The following THSD7B variants were observed in gnomAD, a reference collection of about 807,000 sequenced individuals.
THSD7B encodes the protein thrombospondin type 1 domain containing 7B.
THSD7B carries 138 observed loss-of-function variants against 213.6 expected under a neutral mutation model. The observed-to-expected ratio is 0.65, with a 90% CI of 0.56 to 0.74. The LOEUF (loss-of-function observed/expected upper bound fraction) is 0.74, where lower values mean the gene tolerates loss of function less well. Among genes scored for constraint, THSD7B ranks in the 30% least tolerant of loss-of-function variants. The pLI is 0.00. For synonymous variants in THSD7B, 742 were observed against 687.0 expected, an observed-to-expected ratio of 1.08 and a Z score of -1.25; for missense variants, 1,931 against 1,991.5, an observed-to-expected ratio of 0.97 and a Z score of 0.58.
chr2:137,304,323 C>T (rs1665923575), intron 12 of THSD7B, among the ~76,000 whole-genome samples: 1 of 152,154 alleles, frequency 6.6e-6, no homozygotes, highest in Admixed American at 6.5e-5. Context: ...ATCTATCAAG[C>T]AATGACTGTG....
At chr2:136,987,045 G>T (rs573461691) in intron 2 of THSD7B, among the ~76,000 whole-genome samples, 2 of 152,140 alleles carry the variant, frequency 1.3e-5, no homozygotes, top group South Asian at 4.1e-4. Context: ...AACATGCATG[G>T]TGTTATTTCA....
Position 136,956,259 on chromosome 2 carries a change from G to A in THSD7B, c.139+73942G>A, listed in dbSNP as rs1332041610. 2.0e-5 allele frequency among the ~76,000 whole-genome samples: 3 copies of A among 152,048 alleles called. No homozygotes were observed. In the East Asian group the frequency reaches 5.8e-4, roughly 29 times the overall value. ...ATGACTGATTTTTAACTATGTGTCA[G>A]CAAAATAAATTATTTAGCAGCCTAC... is the stretch of plus-strand genomic sequence containing the variant. On this transcript the variant is annotated intron_variant, in intron 2 of 27. Coordinates refer to ENST00000409968, the MANE Select transcript of THSD7B (RefSeq NM_001316349.2).
intron 2 of THSD7B, among the ~76,000 whole-genome samples, chr2:136,959,618 G>A (rs1316114853): frequency 6.6e-6 from 1 of 152,110 alleles, no homozygotes; most frequent in African/African-American, 2.4e-5. Context: ...TAGAAGGTTG[G>A]CTGAACTTCA....
At chr2:136,799,740 A>G (rs946754711) in intron 1 of THSD7B, among the ~76,000 whole-genome samples, 1 of 151,996 alleles carries the variant, frequency 6.6e-6, no homozygotes, top group African/African-American at 2.4e-5. Context: ...TAGAACTTTC[A>G]GAGATTTGAA....
intron 21 of THSD7B, among the ~76,000 whole-genome samples, chr2:137,642,937 A>G (rs565246816): frequency 6.6e-6 from 1 of 152,326 alleles, no homozygotes; most frequent in Non-Finnish European, 1.5e-5. Flanking sequence ...GGAATATCAA[A>G]GGATTATTTA....
intron 2 of THSD7B, among the ~76,000 whole-genome samples, chr2:137,029,203 C>G (rs539608951): frequency 1.3e-5 from 2 of 151,648 alleles, no homozygotes; most frequent in Admixed American, 6.6e-5. Flanking sequence ...CTCAGCCTCC[C>G]GAGTAGCTGG....
At chr2:137,463,865 C>T (rs1481847088) in intron 15 of THSD7B, among the ~76,000 whole-genome samples, 1 of 151,998 alleles carries the variant, frequency 6.6e-6, no homozygotes, top group East Asian at 1.9e-4. Context: ...CACTTTATGT[C>T]AAAAAGTTAT....
At chr2:136,950,396 A>G (rs1313871629) in intron 2 of THSD7B, among the ~76,000 whole-genome samples, 1 of 152,220 alleles carries the variant, frequency 6.6e-6, no homozygotes, top group Non-Finnish European at 1.5e-5. Flanking sequence ...GCAAACCTGC[A>G]CGTTCTGCAC....
chr2:136,864,217 C>G (rs1331120879), intron 1 of THSD7B, among the ~76,000 whole-genome samples: 1 of 152,162 alleles, frequency 6.6e-6, no homozygotes, highest in Non-Finnish European at 1.5e-5. Flanking sequence ...GCAGCAGATA[C>G]TTATTAAGTG....
chr2:136,799,674 A>AT (rs148895273), intron 1 of THSD7B, among the ~76,000 whole-genome samples: 8,307 of 151,376 alleles, frequency 0.055, 272 homozygotes, highest in South Asian at 0.12. Flanking sequence ...TATTTTACAC[A>AT]TTTTTTTTTA....
In THSD7B at chr2:136,871,060, C is replaced by T. The variant is rs146983259; in HGVS notation, c.-35-11084C>T. 6.4e-4 allele frequency among the ~76,000 whole-genome samples: 98 copies of T among 152,054 alleles called. 1 individual carries two copies. Among genetic ancestry groups the T allele is most frequent in the South Asian group, 3.7e-3 (18 of 4,814 alleles). On this transcript the variant is annotated intron_variant, in intron 1 of 27. Coordinates refer to ENST00000409968, the MANE Select transcript of THSD7B (RefSeq NM_001316349.2). Reference sequence around the variant, plus strand: ...TAGATTTGCAGATGGATTGATTTTTCGATGCGACAAAGAAGGATTTCAGGA... The same window carrying T: ...TAGATTTGCAGATGGATTGATTTTTTGATGCGACAAAGAAGGATTTCAGGA...
At chr2:137,280,860 G>A (rs1682991382) in intron 12 of THSD7B, among the ~76,000 whole-genome samples, 1 of 152,136 alleles carries the variant, frequency 6.6e-6, no homozygotes, top group South Asian at 2.1e-4. Context: ...GTTTCTGTAA[G>A]TGGAGTGTAT....
chr2:137,295,547 C>T (rs1201204217), intron 12 of THSD7B, among the ~76,000 whole-genome samples: 1 of 150,628 alleles, frequency 6.6e-6, no homozygotes, highest in East Asian at 2.0e-4. Context: ...GTGATCTCGG[C>T]TTACTGCAAC....
At chr2:137,275,522 CTT>C (rs921326440) in intron 11 of THSD7B, among the ~76,000 whole-genome samples, 24 of 150,676 alleles carry the variant, frequency 1.6e-4, no homozygotes, top group Non-Finnish European at 1.8e-4. Context: ...TTTTCTCTCT[CTT>C]GTTTTCTTGT....
rs544431128 is a variant in THSD7B at position 136,780,765 on chromosome 2, C to T, written c.-36+15078C>T. 4.6e-5 allele frequency among the ~76,000 whole-genome samples: 7 copies of T among 152,294 alleles called. No individual in the cohort carries two copies. The East Asian group carries it at 1.3e-3, about 29-fold the overall frequency. ...AGTTTCTTTATCCAAAATCTGATCT[C>T]TTTAGATGTGCATTTAAATACAAAG... is the stretch of plus-strand genomic sequence containing the variant. On this transcript the variant is annotated intron_variant, in intron 1 of 27. Transcript: ENST00000409968.
intron 1 of THSD7B, among the ~76,000 whole-genome samples, chr2:136,791,998 G>T (rs2104914632): frequency 6.6e-6 from 1 of 152,102 alleles, no homozygotes; most frequent in East Asian, 1.9e-4. Flanking sequence ...GACCAGCAGT[G>T]TATGAGGGTT....
intron 1 of THSD7B, among the ~76,000 whole-genome samples, chr2:136,779,417 A>T (rs1224515359): frequency 1.3e-5 from 2 of 152,084 alleles, no homozygotes; most frequent in Non-Finnish European, 2.9e-5. Context: ...ATTGTAGCTT[A>T]ATTTATGTTG....
chr2:137,062,350 T>A (rs1188722523), intron 3 of THSD7B, among the ~76,000 whole-genome samples: 3 of 151,614 alleles, frequency 2.0e-5, no homozygotes, highest in African/African-American at 7.3e-5. Flanking sequence ...GACTCTGATT[T>A]TATTATTTCT....
intron 2 of THSD7B, among the ~76,000 whole-genome samples, chr2:136,927,181 G>GTT (rs113157727): frequency 1.4e-4 from 20 of 143,996 alleles, no homozygotes; most frequent in East Asian, 4.0e-4. Flanking sequence ...CTTCTTGCCA[G>GTT]TTTTTTTTTT....
Sources: allele counts gnomAD v4.1 joint callset (sites outside exome capture counted in the v4.1 genomes callset), GRCh38; gene constraint gnomAD v4.1.1; transcripts MANE v1.5; gene names NCBI Gene and HGNC (gene_info 2026-07-23, HGNC 2026-07-21).